TPRG1: variants seen among roughly 807,000 people sequenced by gnomAD.
TPRG1 encodes the protein tumor protein p63-regulated gene 1 protein.
In TPRG1, 29 loss-of-function variants were observed where a neutral mutation model predicts 29.3. That is an observed-to-expected ratio of 0.99 (90% CI 0.74 to 1.35). The LOEUF (loss-of-function observed/expected upper bound fraction) is 1.35, where lower values mean the gene tolerates loss of function less well. TPRG1 is among the 40% of genes most tolerant of loss of function. The probability of loss-of-function intolerance (pLI) is 0.00; values close to 1 mark genes in which losing one functional copy is unlikely to be tolerated. For synonymous variants in TPRG1, 130 were observed against 116.8 expected (o/e 1.11, Z -0.73); for missense variants, 327 against 335.0 (o/e 0.98, Z 0.19).
intron 3 of TPRG1, among the ~76,000 whole-genome samples, chr3:189,134,913 GT>G (rs564377946): frequency 4.9e-4 from 74 of 152,262 alleles, no homozygotes; most frequent in Middle Eastern, 3.4e-3. Flanking sequence ...AATGTACGCA[GT>G]TTTCTATGAT....
chr3:189,164,606 TAAA>T (rs10576237), intron 5 of TPRG1, among the ~76,000 whole-genome samples: 1 of 147,858 alleles, frequency 6.8e-6, no homozygotes, highest in African/African-American at 2.5e-5. Flanking sequence ...TGAAATAAGC[TAAA>T]AAAAAAAATA....
At chr3:189,021,406 A>G (rs1250649736) in intron 3 of TPRG1, among the ~76,000 whole-genome samples, 2 of 150,936 alleles carry the variant, frequency 1.3e-5, no homozygotes, top group Non-Finnish European at 3.0e-5. Flanking sequence ...TTCCTTCAGG[A>G]GCTCTTTTAG....
chr3:189,194,940 C>T (rs1044606534), intron 1 of TPRG1, among the ~76,000 whole-genome samples: 2 of 152,116 alleles, frequency 1.3e-5, no homozygotes, highest in African/African-American at 4.8e-5. Flanking sequence ...AGACACCACT[C>T]TAGGGGGCTA....
Position 189,215,199 on chromosome 3 carries a change from TTTCCGGAGGAGC to T in TPRG1, c.211-91_211-80del. 10 of 1,020,428 alleles carry T rather than the reference TTTCCGGAGGAGC, an allele frequency of 9.8e-6. No individual in the cohort carries two copies. The South Asian group carries it at 1.6e-4, about 16-fold the overall frequency. The allele number at this position is 1,020,428 out of a possible 1,614,324, so 63.2% of individuals were successfully genotyped here. A position where few individuals can be genotyped will look rare whatever the true frequency, so the allele number is the denominator to read the frequency against. ...ATAAACTATATCCTTTGTGACCAGC[TTTCCGGAGGAGC>T]TGCTGGAATATACTAACTAATCATA... On this transcript the variant is annotated intron_variant, in intron 2 of 5. Coordinates refer to ENST00000345063, the MANE Select transcript of TPRG1 (RefSeq NM_198485.4).
At chr3:189,297,403 C>T (rs560455668) in intron 4 of TPRG1, among the ~76,000 whole-genome samples, 23 of 152,114 alleles carry the variant, frequency 1.5e-4, no homozygotes, top group Non-Finnish European at 2.2e-4. Flanking sequence ...TCTTTTGATC[C>T]CTTTCTAGCT....
intron 1 of TPRG1, chr3:189,120,522 T>A (rs1303336946): frequency 2.6e-5 from 4 of 152,226 alleles, no homozygotes; most frequent in African/African-American, 9.6e-5. Context: ...AGTGGTTCAT[T>A]GAAGAATACT....
At chr3:189,095,074 C>G (rs1018433143) in intron 4 of TPRG1, among the ~76,000 whole-genome samples, 1 of 152,124 alleles carries the variant, frequency 6.6e-6, no homozygotes, top group Admixed American at 6.5e-5. Context: ...TTCTTCTGGC[C>G]CCTGCCTGCT....
intron 1 of TPRG1, among the ~76,000 whole-genome samples, chr3:189,193,608 C>T (rs1469740742): frequency 3.4e-5 from 4 of 115,988 alleles, no homozygotes; most frequent in Non-Finnish European, 5.4e-5. Context: ...CCTTTTCATT[C>T]TTAGTTCTTT....
intron 1 of TPRG1, among the ~76,000 whole-genome samples, chr3:188,999,960 A>C (rs1711952542): frequency 6.6e-6 from 1 of 152,140 alleles, no homozygotes; most frequent in Admixed American, 6.6e-5. Context: ...TTTGATACAT[A>C]TTGCCAAATA....
intron 1 of TPRG1, among the ~76,000 whole-genome samples, chr3:189,109,908 A>G (rs1720302955): frequency 6.6e-6 from 1 of 152,148 alleles, no homozygotes; most frequent in Non-Finnish European, 1.5e-5. Context: ...TGAATCATAA[A>G]CTATTAAGCC....
chr3:189,027,997 C>A (rs2152128220), intron 4 of TPRG1, among the ~76,000 whole-genome samples: 1 of 152,192 alleles, frequency 6.6e-6, no homozygotes, highest in South Asian at 2.1e-4. Context: ...TACAGTGTGC[C>A]ATGTCCTAGG....
intron 4 of TPRG1, among the ~76,000 whole-genome samples, chr3:189,251,468 A>T (rs1328561777): frequency 2.0e-5 from 3 of 152,158 alleles, no homozygotes; most frequent in Admixed American, 2.0e-4. Flanking sequence ...AGTATAGAGA[A>T]AGAAATAAGG....
intron 3 of TPRG1, among the ~76,000 whole-genome samples, chr3:189,218,435 A>C (rs1307775939): frequency 6.6e-6 from 1 of 152,078 alleles, no homozygotes; most frequent in Non-Finnish European, 1.5e-5. Flanking sequence ...TTTTATGTAT[A>C]ACAAAAATGA....
upstream of TPRG1, among the ~76,000 whole-genome samples, chr3:189,170,911 C>T (rs1562758): frequency 0.51 from 76,787 of 152,024 alleles, 19,714 homozygotes; most frequent in African/African-American, 0.6. Context: ...AGCGCACACC[C>T]GTTCCTCCAG....
chr3:189,037,855 A>G (rs1196787655), intron 4 of TPRG1, among the ~76,000 whole-genome samples: 2 of 151,640 alleles, frequency 1.3e-5, no homozygotes, highest in Non-Finnish European at 3.0e-5. Context: ...AGATATAAAT[A>G]TATTAACCTA....
At chr3:189,304,876 C>T (rs1297937484) in intron 4 of TPRG1, among the ~76,000 whole-genome samples, 1 of 152,086 alleles carries the variant, frequency 6.6e-6, no homozygotes, top group Non-Finnish European at 1.5e-5. Context: ...CCCCATCGCC[C>T]GCCCGCCTCC....
intron 1 of TPRG1, among the ~76,000 whole-genome samples, chr3:189,107,692 G>A (rs1719988354): frequency 6.6e-6 from 1 of 152,028 alleles, no homozygotes; most frequent in African/African-American, 2.4e-5. Context: ...GCACTAACCT[G>A]CTTTAAATGA....
intron 5 of TPRG1, 52 bp from the exon 6 acceptor site, chr3:189,320,574 C>G: frequency 6.6e-7 from 1 of 1,505,912 alleles, no homozygotes; most frequent in Non-Finnish European, 8.9e-7. Context: ...ATGAGTATCT[C>G]TCAACTTAAT....
At chr3:189,174,256 C>T (rs1045468222) in intron 1 of TPRG1, among the ~76,000 whole-genome samples, 6 of 152,216 alleles carry the variant, frequency 3.9e-5, no homozygotes, top group African/African-American at 1.4e-4. Context: ...CCATGTTAAA[C>T]AAGATAAAAC....
Sources: gnomAD v4.1 joint callset for allele counts (sites outside exome capture counted in the v4.1 genomes callset) on GRCh38, gnomAD v4.1.1 for gene constraint, MANE v1.5 for transcripts, NCBI Gene and HGNC (gene_info 2026-07-23, HGNC 2026-07-21) for gene names.